Variants in COL16A1 observed in about 807,000 individuals in gnomAD.
The protein encoded by COL16A1 is collagen type XVI alpha 1 chain.
In COL16A1, 189 loss-of-function variants were observed where a neutral mutation model predicts 266.3. The observed-to-expected ratio is 0.71, with a 90% CI of 0.63 to 0.80. COL16A1 has a LOEUF of 0.80. Among genes scored for constraint, COL16A1 ranks in the 30% least tolerant of loss-of-function variants. The pLI is 0.00. For synonymous variants in COL16A1, 740 were observed against 782.3 expected (o/e 0.95, Z 0.90); for missense variants, 1,928 against 2,122.4 (o/e 0.91, Z 1.80).
Position 31,664,156 on chromosome 1 carries a change from AGGAAGGGGAAGGGGAAGG to A in COL16A1, c.3555+998_3555+1015del, listed in dbSNP as rs71006319. On this transcript the variant is annotated intron_variant, in intron 56 of 70. Transcript: ENST00000373672. The surrounding 1 kb of genome is among the most constrained non-coding windows in gnomAD (Gnocchi z 5.5). ...TGCCACTCAGGTCCTGGGGAGGGGA[AGGAAGGGGAAGGGGAAGG>A]GGAAGGGGAAGGGGAAGGGGAAGGG... Among the ~76,000 whole-genome samples, 64 of 135,026 alleles carry A rather than the reference AGGAAGGGGAAGGGGAAGG, an allele frequency of 4.7e-4. No individual in the cohort carries two copies. Among genetic ancestry groups the A allele is most frequent in the South Asian group, 4.9e-4 (2 of 4,120 alleles). 88.6% of individuals were successfully genotyped at this position (135,026 alleles called of 152,430 possible).
At chr1:31,691,871 C>A in intron 17 of COL16A1, 134 bp downstream of exon 17, 1 of 1,428,594 alleles carries the variant, frequency 7.0e-7, no homozygotes, top group Non-Finnish European at 9.7e-7. Flanking sequence ...CCCCTTCTTG[C>A]TGTGCCTCCT....
rs749906190 is a variant in COL16A1, at chr1:31,686,114, G to T, written c.1861C>A (p.Pro621Thr). 5 of 1,614,128 alleles carry T rather than the reference G, an allele frequency of 3.1e-6. No individual in the cohort carries two copies. The highest frequency in any genetic ancestry group is 4.2e-6 in the Non-Finnish European group (5 of 1,180,014). ...GSPGPPGPVG[P>T]AGIKGAKGEP... Reference sequence around the variant, plus strand: ...ACCTTCGCCCCTTTGATGCCTGCTGGCCCCACTGGTCCTGGTGGCCCCTGC... The same window carrying T: ...ACCTTCGCCCCTTTGATGCCTGCTGTCCCCACTGGTCCTGGTGGCCCCTGC... The change falls in exon 28 of 71, where the codon CCA (proline) becomes ACA (threonine). Residue 621 changes from proline to threonine, a missense_variant. Pro to Thr is a conservative substitution (Grantham distance 38, BLOSUM62 -1). Coordinates refer to ENST00000373672, the MANE Select transcript of COL16A1 (RefSeq NM_001856.4).
Position 31,652,830 on chromosome 1 carries a change from C to T in COL16A1, c.4636G>A (p.Gly1546Ser). 3 of 1,558,798 alleles carry T rather than the reference C, an allele frequency of 1.9e-6. No homozygotes were observed. Among genetic ancestry groups the T allele is most frequent in the Non-Finnish European group, 2.6e-6 (3 of 1,156,138 alleles). The change falls in exon 71 of 71, where the codon GGC (glycine) becomes AGC (serine). Residue 1546 changes from glycine to serine, a missense_variant. By Grantham distance (56) the Gly-to-Ser change is moderately conservative. Coordinates refer to ENST00000373672, the MANE Select transcript of COL16A1 (RefSeq NM_001856.4). This position sits in a 1 kb window ranked among gnomAD's most constrained non-coding sequence, Gnocchi z 4.8. ...ATTGGTCCTGTTGCACCCATCTTGC[C>T]ATAGCCTGGAGGACCTTGAGGACCT... is the stretch of plus-strand genomic sequence containing the variant. ...PPGPQGPPGYGKMGATGPMGQ... is the reference protein window; with the variant it reads ...PPGPQGPPGYSKMGATGPMGQ...
At chr1:31,690,027 A>C (rs1028353706) in intron 22 of COL16A1, 176 bp from the exon 23 acceptor site, 9 of 630,946 alleles carry the variant, frequency 1.4e-5, no homozygotes, top group Non-Finnish European at 1.9e-5. Flanking sequence ...TCATTCATTC[A>C]CCACAAGATT....
At position 31,697,973 on chromosome 1, in the gene COL16A1, CG is replaced by C; in HGVS notation, c.589del (p.Arg197AspfsTer4). ...SSASSQPLGP[R>X]RPMRPVGHVF... ...ATGGCCCACAGGCCTCATGGGTCGT[CG>C]GGGCCCCAGAGGCTGGGAGGAGGCT... On this transcript the variant is annotated frameshift_variant, in exon 6 of 71. Transcript: ENST00000373672. LOFTEE classifies it high-confidence loss of function. The surrounding 1 kb of genome is among the most constrained non-coding windows in gnomAD (Gnocchi z 4.2). 6.2e-7 allele frequency: 1 copy of C among 1,613,346 alleles called. No individual in the cohort carries two copies. Among genetic ancestry groups the C allele is most frequent in the Non-Finnish European group, 8.5e-7 (1 of 1,179,998 alleles).
intron 43 of COL16A1, 68 bp from the exon 44 acceptor site, chr1:31,675,107 G>C (rs1184751031): frequency 1.4e-5 from 23 of 1,611,488 alleles, no homozygotes; most frequent in African/African-American, 5.3e-5. Context: ...TGGGATCAGG[G>C]AGAGCCTTGG....
chr1:31,675,777 C>T (rs1643131649), intron 42 of COL16A1, among the ~76,000 whole-genome samples: 1 of 152,166 alleles, frequency 6.6e-6, no homozygotes, highest in Non-Finnish European at 1.5e-5. Context: ...TCTCCCACCT[C>T]AGCCTCCTGA....
chr1:31,674,861 G>A (rs1570451555), intron 44 of COL16A1, 146 bp downstream of exon 44: 2 of 1,307,676 alleles, frequency 1.5e-6, no homozygotes, highest in East Asian at 2.6e-5. Flanking sequence ...CATCAGCTAG[G>A]CCCTCTTAGA....
chr1:31,675,761 A>G (rs1489445042), intron 42 of COL16A1, among the ~76,000 whole-genome samples: 1 of 151,990 alleles, frequency 6.6e-6, no homozygotes, highest in Non-Finnish European at 1.5e-5. Context: ...ACTCAGCTCA[A>G]GCGATTCTCC....
At chr1:31,691,361 G>A in intron 19 of COL16A1, 56 bp downstream of exon 19, 1 of 1,587,196 alleles carries the variant, frequency 6.3e-7, no homozygotes, top group Non-Finnish European at 8.6e-7. Flanking sequence ...TCCCTGGCCA[G>A]GGTGGGAGAG....
At chr1:31,695,859 A>AC in intron 9 of COL16A1, 72 bp from the exon 10 acceptor site, 1 of 1,400,424 alleles carries the variant, frequency 7.1e-7, no homozygotes, top group South Asian at 1.2e-5. Flanking sequence ...CAACACCCCT[A>AC]CCCCCAAACC....
chr1:31,683,325 C>G lies in COL16A1; in HGVS notation c.2415+9G>C. 2 of 1,614,200 alleles carry G rather than the reference C, an allele frequency of 1.2e-6. No homozygotes were observed. The highest frequency in any genetic ancestry group is 2.2e-5 in the South Asian group (2 of 91,082). Reference sequence around the variant, plus strand: ...CTGCTATCCTCCTTCAGGACTCAGGCAGACGTACCTGAATGCCAGGCAAAC... The same window carrying G: ...CTGCTATCCTCCTTCAGGACTCAGGGAGACGTACCTGAATGCCAGGCAAAC... On this transcript the variant is annotated intron_variant, in intron 35 of 70. Transcript: ENST00000373672.
At chr1:31,691,790 A>G in intron 17 of COL16A1, 148 bp from the exon 18 acceptor site, 4 of 1,249,794 alleles carry the variant, frequency 3.2e-6, no homozygotes, top group Admixed American at 2.4e-5. Flanking sequence ...GCACATGTCA[A>G]CCTTATGGTG....
At position 31,663,015 on chromosome 1, in the gene COL16A1, C is replaced by A; in HGVS notation, c.3556-357G>T. 3.0e-6 allele frequency: 1 copy of A among 330,630 alleles called. No individual in the cohort carries two copies. Among genetic ancestry groups the A allele is most frequent in the South Asian group, 3.9e-5 (1 of 25,498 alleles). The allele number at this position is 330,630 out of a possible 1,614,324, so 20.5% of individuals were successfully genotyped here. Reference sequence around the variant, plus strand: ...AGCTGCCTGTTGTATTCTACTCCATCAGACCCCCTGCCTCCTCCCCACCTA... The same window carrying A: ...AGCTGCCTGTTGTATTCTACTCCATAAGACCCCCTGCCTCCTCCCCACCTA... On this transcript the variant is annotated intron_variant, in intron 56 of 70. Coordinates refer to ENST00000373672, the MANE Select transcript of COL16A1 (RefSeq NM_001856.4). The surrounding 1 kb of genome is among the most constrained non-coding windows in gnomAD (Gnocchi z 4.9).
In COL16A1 at chr1:31,663,882, C is replaced by G. The variant is rs1641898259; in HGVS notation, c.3556-1224G>C. 1.3e-5 allele frequency among the ~76,000 whole-genome samples: 2 copies of G among 152,110 alleles called. No individual in the cohort carries two copies. The highest frequency in any genetic ancestry group is 4.8e-5 in the African/African-American group (2 of 41,398). ...GCAAGCAGCATAGCGGGGAAGGTGG[C>G]TGCATTCTCCCAGTGTGGAGAGGGT... is the stretch of plus-strand genomic sequence containing the variant. On this transcript the variant is annotated intron_variant, in intron 56 of 70. Coordinates refer to ENST00000373672, the MANE Select transcript of COL16A1 (RefSeq NM_001856.4). The surrounding 1 kb of genome is among the most constrained non-coding windows in gnomAD (Gnocchi z 4.9).
At chr1:31,693,193 G>A in intron 12 of COL16A1, 39 bp from the exon 13 acceptor site, 1 of 1,369,416 alleles carries the variant, frequency 7.3e-7, no homozygotes, top group Non-Finnish European at 1.0e-6. Context: ...GACCAGAGGG[G>A]GCACATGGGA....
At chr1:31,665,395 G>A in intron 55 of COL16A1, 161 bp from the exon 56 acceptor site, 1 of 1,402,248 alleles carries the variant, frequency 7.1e-7, no homozygotes, top group Non-Finnish European at 9.6e-7. Context: ...TGCTGGGCTG[G>A]GGCCCACACA....
At position 31,696,118 on chromosome 1, in the gene COL16A1, T is replaced by C. The variant is rs1357134571; in HGVS notation, c.888A>G (p.Arg296=). The change falls in exon 9 of 71, where the codon AGA becomes AGG. Residue 296 remains arginine, a synonymous_variant. Coordinates refer to ENST00000373672, the MANE Select transcript of COL16A1 (RefSeq NM_001856.4). ...NSEVDAQLTG[R]ISQKAERGAK... ...CTCCCCTTTCTGCCTTCTGGCTGAT[T>C]CTTCCCGTCAGCTGGGCATCCACCT... 1 of 1,613,408 alleles carries C rather than the reference T, an allele frequency of 6.2e-7. No individual in the cohort carries two copies. The highest frequency in any genetic ancestry group is 8.5e-7 in the Non-Finnish European group (1 of 1,179,748).
rs1352129326 is a variant in COL16A1, at chr1:31,656,424, TC to T, written c.4076del (p.Gly1359AspfsTer76). On this transcript the variant is annotated frameshift_variant, in exon 66 of 71. Transcript: ENST00000373672. LOFTEE classifies it high-confidence loss of function. This position sits in a 1 kb window ranked among gnomAD's most constrained non-coding sequence, Gnocchi z 4.2. Reference protein sequence around the residue: ...AGKEGPPGKQGFYGPPGPKGD... With the variant: ...AGKEGPPGKQXFYGPPGPKGD... Reference sequence around the variant, plus strand: ...CCTTGGGACCAGGAGGTCCATAGAATCCCTGCTTTCCAGGGGGTCCCTAGAG... The same window carrying T: ...CCTTGGGACCAGGAGGTCCATAGAATCCTGCTTTCCAGGGGGTCCCTAGAG... 6.2e-7 allele frequency: 1 copy of T among 1,613,270 alleles called. No homozygotes were observed. Among genetic ancestry groups the T allele is most frequent in the Non-Finnish European group, 8.5e-7 (1 of 1,179,768 alleles).
Sources: gnomAD v4.1 joint callset for allele counts (sites outside exome capture counted in the v4.1 genomes callset) on GRCh38, gnomAD v4.1.1 for gene constraint, Gnocchi (gnomAD v3.1) non-coding constraint, MANE v1.5 for transcripts, NCBI Gene and HGNC (gene_info 2026-07-23, HGNC 2026-07-21) for gene names.